Variants in GRIA3 observed in about 807,000 individuals in gnomAD.
The protein encoded by GRIA3 is glutamate receptor 3.
Under a neutral mutation model 63.0 loss-of-function variants are expected in GRIA3, and 3 were observed. That is an observed-to-expected ratio of 0.05 (90% CI 0.02 to 0.12). GRIA3 has a LOEUF of 0.12. GRIA3 is among the 10% of genes least tolerant of loss of function. The pLI is 1.00. For missense variants in GRIA3, 347 were observed against 700.9 expected (o/e 0.50, Z 5.70); for synonymous variants, 274 against 257.9 (o/e 1.06, Z -0.60).
chrX:123,406,645 A>G (rs759544363), intron 10 of GRIA3, among the ~76,000 whole-genome samples: 22 of 111,880 alleles, frequency 2.0e-4, no homozygotes, highest in Non-Finnish European at 3.6e-4. Context: ...AGGCAACTTG[A>G]ACCTCAGCCT....
intron 4 of GRIA3, among the ~76,000 whole-genome samples, chrX:123,344,797 A>G (rs1289427073): frequency 9.0e-6 from 1 of 111,553 alleles, no homozygotes; most frequent in African/African-American, 3.3e-5. Context: ...TCATAGACTC[A>G]GTGTGTCCCT....
intron 6 of GRIA3, among the ~76,000 whole-genome samples, chrX:123,397,152 A>G (rs1472986736): frequency 1.8e-5 from 2 of 112,241 alleles, no homozygotes; most frequent in Non-Finnish European, 3.8e-5. Context: ...CTGAGAAGAA[A>G]TGTTCATGCT....
chrX:123,371,916 T>A (rs1887790701), intron 5 of GRIA3, among the ~76,000 whole-genome samples: 1 of 111,433 alleles, frequency 9.0e-6, no homozygotes, highest in Admixed American at 9.6e-5. Flanking sequence ...TTTAGTTTCC[T>A]ATGTGTGTAG....
At chrX:123,483,109 TTC>T (rs2045920292) in intron 15 of GRIA3, 63 bp downstream of exon 15, 2 of 942,790 alleles carry the variant, frequency 2.1e-6, no homozygotes, top group African/African-American at 2.0e-5. Context: ...TCTTTTTTTC[TTC>T]TTTTTTTTTT....
chrX:123,277,921 G>T lies in GRIA3; in HGVS notation c.508+24379G>T, dbSNP rs183859687. Among the ~76,000 whole-genome samples the T allele has an allele frequency of 2.1e-3, 236 of 112,075 alleles. 1 individual carries two copies. The highest frequency in any genetic ancestry group is 3.5e-3 in the Non-Finnish European group (187 of 53,198). ...CCTCATGTGATTCTAGGGAATGCCAGGGTTGAAAATCCTTGAACTGGATGA... is the reference window on the plus strand; with the variant it reads ...CCTCATGTGATTCTAGGGAATGCCATGGTTGAAAATCCTTGAACTGGATGA... On this transcript the variant is annotated intron_variant, in intron 3 of 15. Transcript: ENST00000620443.
intron 2 of GRIA3, among the ~76,000 whole-genome samples, chrX:123,189,197 C>G (rs1043802008): frequency 2.7e-5 from 3 of 112,251 alleles, no homozygotes; most frequent in African/African-American, 9.7e-5. Flanking sequence ...AGTTTGCTGC[C>G]TTACTTTTCA....
Position 123,380,472 on chromosome X carries a change from G to A in GRIA3, c.751-14496G>A, listed in dbSNP as rs183918752. Reference sequence around the variant, plus strand: ...TGAGAAGGGACTGTTCATATCCTTCGCCCACTTTTTGATGGGGTTGTTGGT... The same window carrying A: ...TGAGAAGGGACTGTTCATATCCTTCACCCACTTTTTGATGGGGTTGTTGGT... On this transcript the variant is annotated intron_variant, in intron 5 of 15. Transcript: ENST00000620443. Among the ~76,000 whole-genome samples the A allele has an allele frequency of 2.7e-4, 30 of 111,633 alleles. 1 individual carries two copies. In the East Asian group the frequency reaches 2.8e-3, roughly 11 times the overall value.
chrX:123,251,463 ACTCT>A (rs1214322336), intron 2 of GRIA3, among the ~76,000 whole-genome samples: 21 of 110,639 alleles, frequency 1.9e-4, no homozygotes, highest in Non-Finnish European at 3.6e-4. Flanking sequence ...ACGGTGTCTC[ACTCT>A]GTCGGTCGCC....
chrX:123,322,644 G>A (rs968281225), intron 3 of GRIA3, among the ~76,000 whole-genome samples: 7 of 110,931 alleles, frequency 6.3e-5, no homozygotes, highest in Non-Finnish European at 1.1e-4. Flanking sequence ...CAATAAATTA[G>A]GTATGAAAAC....
At chrX:123,473,712 G>A (rs2045874583) in intron 13 of GRIA3, among the ~76,000 whole-genome samples, 1 of 112,034 alleles carries the variant, frequency 8.9e-6, no homozygotes, top group Non-Finnish European at 1.9e-5. Flanking sequence ...GTAACTTAGA[G>A]CAAGGGTTTG....
chrX:123,336,300 G>A (rs771546106), intron 4 of GRIA3, among the ~76,000 whole-genome samples: 73 of 112,346 alleles, frequency 6.5e-4, no homozygotes, highest in Middle Eastern at 4.6e-3. Context: ...TAATTGATCC[G>A]TACAAAGTTC....
chrX:123,472,340 A>G (rs1292340836), intron 13 of GRIA3, among the ~76,000 whole-genome samples: 2 of 109,339 alleles, frequency 1.8e-5, no homozygotes, highest in African/African-American at 6.6e-5. Context: ...AGTTTCTGGT[A>G]CCGATCTGTT....
chrX:123,202,184 C>T (rs1050310174), intron 2 of GRIA3, among the ~76,000 whole-genome samples: 5 of 112,153 alleles, frequency 4.5e-5, no homozygotes, highest in Admixed American at 9.4e-5. Flanking sequence ...GCTCAGATAT[C>T]GTCGCATTTC....
intron 2 of GRIA3, among the ~76,000 whole-genome samples, chrX:123,231,296 G>A (rs5911555): frequency 0.18 from 19,685 of 110,936 alleles, 1,655 homozygotes; most frequent in Non-Finnish European, 0.26. Flanking sequence ...GAGATCATTG[G>A]ATTCTCATTT....
chrX:123,471,990 CATATATATATATATAT>C (rs760824587), intron 13 of GRIA3, among the ~76,000 whole-genome samples: 5 of 13,415 alleles, frequency 3.7e-4, no homozygotes, highest in Admixed American at 1.1e-3. Flanking sequence ...CAATGGCATT[CATATATATATATATAT>C]ATATATATAT....
intron 2 of GRIA3, among the ~76,000 whole-genome samples, chrX:123,235,884 A>G (rs187755787): frequency 2.9e-4 from 32 of 110,830 alleles, no homozygotes; most frequent in Admixed American, 6.7e-4. Flanking sequence ...CTTCATTAAA[A>G]TGTCTTACAG....
At chrX:123,280,457 AT>A (rs1050723043) in intron 3 of GRIA3, among the ~76,000 whole-genome samples, 10 of 112,109 alleles carry the variant, frequency 8.9e-5, no homozygotes, top group African/African-American at 2.9e-4. Flanking sequence ...GTAGCTGAGG[AT>A]TAGTTCATCA....
At chrX:123,281,622 C>T (rs1008833267) in intron 3 of GRIA3, among the ~76,000 whole-genome samples, 13 of 111,446 alleles carry the variant, frequency 1.2e-4, no homozygotes, top group African/African-American at 3.9e-4. Context: ...ATTCCTTTTC[C>T]TATGGTGCTT....
Position 123,417,635 on chromosome X carries a change from T to G in GRIA3, c.1734T>G (p.Pro578=). ...VVLFLVSRFS[P]YEWHLEDNNE... The stretch of plus-strand genomic sequence containing the variant: ...TTTTCCTAGTCAGCAGGTTCAGTCC[T>G]TATGAATGGCACTTGGAAGACAACA... The change falls in exon 11 of 16, where the codon CCT becomes CCG. Residue 578 remains proline (P), a synonymous_variant. Coordinates refer to ENST00000620443, the MANE Select transcript of GRIA3 (RefSeq NM_007325.5). The G allele has an allele frequency of 8.4e-7, 1 of 1,196,826 alleles. No homozygotes were observed. Among genetic ancestry groups the G allele is most frequent in the Non-Finnish European group, 1.1e-6 (1 of 887,545 alleles).
Sources: allele counts gnomAD v4.1 joint callset (sites outside exome capture counted in the v4.1 genomes callset), GRCh38; gene constraint gnomAD v4.1.1; transcripts MANE v1.5; gene names NCBI Gene and HGNC (gene_info 2026-07-23, HGNC 2026-07-21).